Variants in TENM2 observed in about 807,000 individuals in gnomAD.
TENM2 encodes teneurin-2.
A neutral mutation model predicts 245.2 loss-of-function variants in TENM2; 52 were observed. The ratio of observed to expected loss-of-function variants is 0.21; its 90% CI spans 0.17 to 0.27. TENM2 has a LOEUF of 0.27. Ranked by LOEUF, TENM2 falls within the 10% of genes least tolerant of loss-of-function variation. TENM2 has a pLI of 1.00. For missense variants in TENM2, 3,046 were observed against 3,666.8 expected (o/e 0.83, Z 4.37); for synonymous variants, 1,363 against 1,438.9 (o/e 0.95, Z 1.19).
the TENM2 span, among the ~76,000 whole-genome samples, chr5:167,170,260 C>T: frequency 6.6e-6 from 1 of 152,332 alleles, no homozygotes; most frequent in Non-Finnish European, 1.5e-5. Flanking sequence ...GCTGTTACCT[C>T]TATTCTAACC....
chr5:168,185,402 G>A (rs1436610497), intron 13 of TENM2, among the ~76,000 whole-genome samples: 3 of 152,072 alleles, frequency 2.0e-5, no homozygotes, highest in Non-Finnish European at 4.4e-5. Flanking sequence ...TCTGAGTACT[G>A]TACAGACAAT....
At chr5:167,457,935 C>G (rs898555266) in intron 2 of TENM2, among the ~76,000 whole-genome samples, 8 of 152,070 alleles carry the variant, frequency 5.3e-5, no homozygotes, top group African/African-American at 1.7e-4. Context: ...ATGCCAATAA[C>G]TACAAGCATT....
the TENM2 span, among the ~76,000 whole-genome samples, chr5:167,259,463 T>C: frequency 2.6e-5 from 4 of 152,232 alleles, no homozygotes; most frequent in Non-Finnish European, 5.9e-5. Context: ...CAAATAAATA[T>C]GTCTTCATGC....
intron 2 of TENM2, among the ~76,000 whole-genome samples, chr5:167,830,977 A>C (rs79452369): frequency 0.086 from 13,075 of 152,054 alleles, 707 homozygotes; most frequent in African/African-American, 0.14. Context: ...TTATCTCCTA[A>C]ATTTTGAAAT....
chr5:168,173,245 G>A lies in TENM2; in HGVS notation c.2569+10488G>A, dbSNP rs562695817. On this transcript the variant is annotated intron_variant, in intron 13 of 28. Transcript: ENST00000518659. ...GTCCCCGGCAGCTGCAAAACCCAAG[G>A]AGGGAAGCCACTTACTCAAGGCCAA... Among the ~76,000 whole-genome samples the A allele has an allele frequency of 2.0e-5, 3 of 152,294 alleles. No individual in the cohort carries two copies. The South Asian group carries it at 6.2e-4, about 32-fold the overall frequency.
intron 25 of TENM2, among the ~76,000 whole-genome samples, chr5:168,243,903 G>A (rs975053900): frequency 2.7e-5 from 4 of 148,274 alleles, no homozygotes; most frequent in Non-Finnish European, 5.9e-5. Context: ...ATTGCATATT[G>A]CACCATACAA....
chr5:167,328,583 C>G (rs2127785605), intron 1 of TENM2, among the ~76,000 whole-genome samples: 1 of 152,242 alleles, frequency 6.6e-6, no homozygotes, highest in East Asian at 1.9e-4. Flanking sequence ...TACAAGTGTC[C>G]CCTTTAGTTA....
chr5:168,230,527 G>A lies in TENM2; in HGVS notation c.5520+2397G>A, dbSNP rs578245298. On this transcript the variant is annotated intron_variant, in intron 25 of 28. Transcript: ENST00000518659. ...GAGTGGCCATTTCGTCAGATGTTTC[G>A]TGAGCCCATGGCAGGGAGTTTGCAG... Among the ~76,000 whole-genome samples, 8 of 152,258 alleles carry A rather than the reference G, an allele frequency of 5.3e-5. No homozygotes were observed. The East Asian group carries it at 5.8e-4, about 11-fold the overall frequency.
At chr5:167,929,230 G>A (rs1247557641) in intron 3 of TENM2, among the ~76,000 whole-genome samples, 1 of 146,256 alleles carries the variant, frequency 6.8e-6, no homozygotes, top group Non-Finnish European at 1.5e-5. Flanking sequence ...AGGGATGGAG[G>A]GAGGAAGGCA....
intron 1 of TENM2, among the ~76,000 whole-genome samples, chr5:167,333,367 G>A (rs75373228): frequency 0.013 from 1,926 of 152,216 alleles, 46 homozygotes; most frequent in African/African-American, 0.044. Flanking sequence ...AGCACCTCTC[G>A]TAAGATTATT....
chr5:167,123,195 A>G, the TENM2 span, among the ~76,000 whole-genome samples: 1 of 151,900 alleles, frequency 6.6e-6, no homozygotes, highest in Non-Finnish European at 1.5e-5. Flanking sequence ...CTGTAATCCA[A>G]GCTACTCAGG....
chr5:167,148,690 A>C, the TENM2 span, among the ~76,000 whole-genome samples: 1 of 152,192 alleles, frequency 6.6e-6, no homozygotes, highest in Non-Finnish European at 1.5e-5. Context: ...CGTGGTAAAA[A>C]GGGATTCCAA....
chr5:168,004,517 GCA>G (rs550787443), intron 5 of TENM2, among the ~76,000 whole-genome samples: 5,608 of 132,130 alleles, frequency 0.042, 124 homozygotes, highest in Middle Eastern at 0.067. Context: ...GCGCGCGCGC[GCA>G]CACACACACA....
chr5:167,777,314 G>A (rs1763875149), intron 2 of TENM2, among the ~76,000 whole-genome samples: 3 of 152,120 alleles, frequency 2.0e-5, no homozygotes, highest in Admixed American at 2.0e-4. Flanking sequence ...TGATGGATTT[G>A]TATTCTTTTT....
chr5:167,484,159 A>G (rs1420173216), intron 2 of TENM2, among the ~76,000 whole-genome samples: 1 of 152,186 alleles, frequency 6.6e-6, no homozygotes, highest in East Asian at 1.9e-4. Context: ...AGCCTGACCA[A>G]TATGGTGAAA....
At chr5:167,530,713 G>A (rs1346576872) in intron 2 of TENM2, among the ~76,000 whole-genome samples, 3 of 152,180 alleles carry the variant, frequency 2.0e-5, no homozygotes, top group Admixed American at 2.0e-4. Context: ...GAGCTGTTCA[G>A]GAAATTGACA....
intron 9 of TENM2, among the ~76,000 whole-genome samples, chr5:168,117,876 A>T (rs1002233615): frequency 1.3e-5 from 2 of 152,204 alleles, no homozygotes; most frequent in African/African-American, 4.8e-5. Flanking sequence ...TCGCTTAGTG[A>T]AGGGTACCAC....
At chr5:167,292,445 AT>A (rs1754692930) in intron 1 of TENM2, among the ~76,000 whole-genome samples, 1 of 151,966 alleles carries the variant, frequency 6.6e-6, no homozygotes, top group South Asian at 2.1e-4. Context: ...TTCCTGCTTC[AT>A]TTATCTCAGT....
At chr5:167,127,426 C>T in the TENM2 span, among the ~76,000 whole-genome samples, 1 of 152,124 alleles carries the variant, frequency 6.6e-6, no homozygotes, top group Non-Finnish European at 1.5e-5. Context: ...ACCCTTCTAA[C>T]TATGAGTCAG....
Sources: gnomAD v4.1 joint callset for allele counts (sites outside exome capture counted in the v4.1 genomes callset) on GRCh38, gnomAD v4.1.1 for gene constraint, MANE v1.5 for transcripts, NCBI Gene and HGNC (gene_info 2026-07-23, HGNC 2026-07-21) for gene names.